Variants in PADI3 observed in about 807,000 individuals in gnomAD.
The protein encoded by PADI3 is protein-arginine deiminase type-3.
A neutral mutation model predicts 71.5 loss-of-function variants in PADI3; 53 were observed. The ratio of observed to expected loss-of-function variants is 0.74; its 90% CI spans 0.59 to 0.93. The LOEUF is 0.93. Among genes scored for constraint, PADI3 ranks in the 40% least tolerant of loss-of-function variants. The pLI is 0.00. For missense variants in PADI3, 821 were observed against 868.0 expected, an observed-to-expected ratio of 0.95 and a Z score of 0.68; for synonymous variants, 361 against 347.5, an observed-to-expected ratio of 1.04 and a Z score of -0.43.
intron 1 of PADI3, among the ~76,000 whole-genome samples, chr1:17,250,216 T>C (rs2072949175): frequency 6.6e-6 from 1 of 152,072 alleles, no homozygotes; most frequent in African/African-American, 2.4e-5. Context: ...AGCTCTCACC[T>C]CTCAAGTCTC....
chr1:17,278,888 G>A (rs2073367057), intron 13 of PADI3, among the ~76,000 whole-genome samples: 1 of 152,142 alleles, frequency 6.6e-6, no homozygotes, highest in Non-Finnish European at 1.5e-5. Context: ...CTGTTTGCTA[G>A]CGTTAACTTC....
intron 1 of PADI3, among the ~76,000 whole-genome samples, chr1:17,256,800 A>G (rs1357720455): frequency 6.6e-6 from 1 of 152,134 alleles, no homozygotes; most frequent in Non-Finnish European, 1.5e-5. Context: ...TGGGAGGCTG[A>G]GGCAGGCGGA....
Position 17,283,337 on chromosome 1 carries a change from A to G in PADI3, c.*258A>G, listed in dbSNP as rs2073425062. The G allele has an allele frequency of 8.6e-6, 4 of 464,360 alleles. No individual in the cohort carries two copies. The highest frequency in any genetic ancestry group is 5.6e-5 in the South Asian group (2 of 35,734). 28.8% of individuals were successfully genotyped at this position (464,360 alleles called of 1,614,324 possible). ...TTCTTATAGCCTCTCCTGTGATTCA[A>G]CACAACCCATGGAGATGTCCCCTTC... On this transcript the variant is annotated 3_prime_UTR_variant, in exon 16 of 16. Coordinates refer to ENST00000375460, the MANE Select transcript of PADI3 (RefSeq NM_016233.2).
intron 3 of PADI3, 38 bp from the exon 4 acceptor site, chr1:17,265,621 G>T: frequency 6.3e-7 from 1 of 1,599,612 alleles, no homozygotes; most frequent in Non-Finnish European, 8.6e-7. Context: ...GGGCTCCTGG[G>T]AACCTTGTAG....
chr1:17,276,124 C>G (rs2073326723), intron 11 of PADI3, among the ~76,000 whole-genome samples: 2 of 152,130 alleles, frequency 1.3e-5, no homozygotes, highest in Non-Finnish European at 2.9e-5. Flanking sequence ...CACTTGAGGT[C>G]AGGAGTTCGA....
chr1:17,251,689 AAGGGC>A (rs2072967961), intron 1 of PADI3, among the ~76,000 whole-genome samples: 1 of 152,354 alleles, frequency 6.6e-6, no homozygotes, highest in East Asian at 1.9e-4. Context: ...CCTTACTTCA[AAGGGC>A]AGTTAGGGGC....
rs564947321 is a variant in PADI3 at position 17,268,498 on chromosome 1, C to CTTTTTTTTTT, written c.652+554_652+563dup. On this transcript the variant is annotated intron_variant, in intron 6 of 15. Coordinates refer to ENST00000375460, the MANE Select transcript of PADI3 (RefSeq NM_016233.2). ...AAAAATGTATACAAGTAATAAGATG[C>CTTTTTTTTTT]TTTTTTTTTTTTTTTTTTTTTTTTT... 1.8e-4 allele frequency among the ~76,000 whole-genome samples: 16 copies of CTTTTTTTTTT among 89,416 alleles called. 3 individuals are homozygous for CTTTTTTTTTT. Among genetic ancestry groups the CTTTTTTTTTT allele is most frequent in the African/African-American group, 7.5e-4 (16 of 21,226 alleles). The allele number at this position is 89,416 out of a possible 152,430, so 58.7% of individuals were successfully genotyped here. A position where few individuals can be genotyped will look rare whatever the true frequency, so the allele number is the denominator to read the frequency against.
At chr1:17,280,299 C>T in intron 13 of PADI3, 51 bp from the exon 14 acceptor site, 1 of 1,423,220 alleles carries the variant, frequency 7.0e-7, no homozygotes, top group East Asian at 2.3e-5. Flanking sequence ...AGCAGGTGGT[C>T]CTCACGTTGG....
chr1:17,271,282 C>T, intron 9 of PADI3, 104 bp downstream of exon 9: 2 of 944,838 alleles, frequency 2.1e-6, no homozygotes, highest in Admixed American at 2.6e-5. Flanking sequence ...TGGGTGCTCC[C>T]CAGGGAACTT....
At chr1:17,250,411 C>A (rs914518907) in intron 1 of PADI3, among the ~76,000 whole-genome samples, 2 of 152,172 alleles carry the variant, frequency 1.3e-5, no homozygotes, top group South Asian at 4.1e-4. Flanking sequence ...GCCAAATGTG[C>A]CCTGGGGTGG....
At chr1:17,272,616 T>C (rs879440073) in intron 9 of PADI3, among the ~76,000 whole-genome samples, 1 of 152,084 alleles carries the variant, frequency 6.6e-6, no homozygotes, top group Non-Finnish European at 1.5e-5. Flanking sequence ...AAGTGATCCT[T>C]CTGCCTCAGT....
chr1:17,249,301 G>A, intron 1 of PADI3, 72 bp downstream of exon 1: 1 of 1,278,020 alleles, frequency 7.8e-7, no homozygotes, highest in Admixed American at 1.7e-5. Context: ...CCTGCAGGCT[G>A]GGCAGGGCTT....
intron 14 of PADI3, 118 bp downstream of exon 14, chr1:17,280,547 C>A (rs2073387335): frequency 1.3e-6 from 2 of 1,516,492 alleles, no homozygotes; most frequent in Non-Finnish European, 1.8e-6. Flanking sequence ...TAGAACAGGC[C>A]CAGACAGAGG....
Position 17,276,842 on chromosome 1 carries a change from C to T in PADI3, c.1521C>T (p.Gly507=), listed in dbSNP as rs751425379. Residue 507 remains glycine (G), a synonymous_variant, in exon 13 of 16, where the codon GGC becomes GGT. Transcript: ENST00000375460. ...TCTTCCAGGAAAAGCAGAAGTGTGG[C>T]CACGGGAGGGCCCTCCTGTTCCAGG... ...FKLFQEKQKC[G]HGRALLFQGV... 2 of 1,613,224 alleles carry T rather than the reference C, an allele frequency of 1.2e-6. No individual in the cohort carries two copies. Among genetic ancestry groups the T allele is most frequent in the African/African-American group, 2.7e-5 (2 of 74,932 alleles).
chr1:17,249,363 A>G (rs1418359215), intron 1 of PADI3, 134 bp downstream of exon 1: 1 of 728,026 alleles, frequency 1.4e-6, no homozygotes, highest in Non-Finnish European at 2.5e-6. Flanking sequence ...CAATCAGGGA[A>G]GCTTGGGTCC....
rs1402752432 is a variant in PADI3, at chr1:17,280,331, T to C, written c.1556-19T>C. 2 of 1,607,188 alleles carry C rather than the reference T, an allele frequency of 1.2e-6. No individual in the cohort carries two copies. The highest frequency in any genetic ancestry group is 2.7e-5 in the African/African-American group (2 of 74,914). Reference sequence around the variant, plus strand: ...TTGGTGCTGTCCCTGTCCTTCTCTTTCATCTCTCTCCTTCACAGATGATGA... The same window carrying C: ...TTGGTGCTGTCCCTGTCCTTCTCTTCCATCTCTCTCCTTCACAGATGATGA... On this transcript the variant is annotated intron_variant, in intron 13 of 15. Transcript: ENST00000375460.
In PADI3 at chr1:17,268,498, C is replaced by CTTTT. The variant is rs564947321; in HGVS notation, c.652+560_652+563dup. Among the ~76,000 whole-genome samples, 149 of 89,412 alleles carry CTTTT rather than the reference C, an allele frequency of 1.7e-3. 15 individuals are homozygous for CTTTT. The highest frequency in any genetic ancestry group is 4.1e-3 in the African/African-American group (88 of 21,224). The allele number at this position is 89,412 out of a possible 152,430, so 58.7% of individuals were successfully genotyped here. ...AAAAATGTATACAAGTAATAAGATG[C>CTTTT]TTTTTTTTTTTTTTTTTTTTTTTTT... On this transcript the variant is annotated intron_variant, in intron 6 of 15. Coordinates refer to ENST00000375460, the MANE Select transcript of PADI3 (RefSeq NM_016233.2).
chr1:17,255,073 G>A (rs2073011758), intron 1 of PADI3, among the ~76,000 whole-genome samples: 1 of 152,178 alleles, frequency 6.6e-6, no homozygotes, highest in South Asian at 2.1e-4. Context: ...TCAGATGTCA[G>A]CAAATATCAG....
intron 9 of PADI3, among the ~76,000 whole-genome samples, 188 bp from the exon 10 acceptor site, chr1:17,273,152 C>T (rs1330771247): frequency 6.6e-6 from 1 of 152,218 alleles, no homozygotes; most frequent in East Asian, 1.9e-4. Context: ...TGCACCCCCT[C>T]CTTGAGCCTC....
Sources: allele counts gnomAD v4.1 joint callset (sites outside exome capture counted in the v4.1 genomes callset), GRCh38; gene constraint gnomAD v4.1.1; transcripts MANE v1.5; gene names NCBI Gene and HGNC (gene_info 2026-07-23, HGNC 2026-07-21).